Variants in ZMIZ1 observed in about 807,000 individuals in gnomAD.
ZMIZ1 encodes zinc finger MIZ domain-containing protein 1.
A neutral mutation model predicts 113.9 loss-of-function variants in ZMIZ1; 17 were observed. That is an observed-to-expected ratio of 0.15 (90% CI 0.10 to 0.22). The LOEUF (loss-of-function observed/expected upper bound fraction) is 0.22. Among genes scored for constraint, ZMIZ1 ranks in the 10% least tolerant of loss-of-function variants. The pLI is 1.00. For synonymous variants in ZMIZ1, 607 were observed against 603.1 expected, an observed-to-expected ratio of 1.01 and a Z score of -0.09; for missense variants, 1,059 against 1,477.8, an observed-to-expected ratio of 0.72 and a Z score of 4.65.
In ZMIZ1 at chr10:79,300,950, T is replaced by C. The variant is rs1220056334; in HGVS notation, c.2019+8T>C. 6.2e-7 allele frequency: 1 copy of C among 1,607,458 alleles called. No homozygotes were observed. Among genetic ancestry groups the C allele is most frequent in the Non-Finnish European group, 8.5e-7 (1 of 1,179,790 alleles). ...GTCACGGCCTGCTGCTGCGTGAGTG[T>C]GGTGGGCCAGGGGCAGCGTTGGCAC... On this transcript the variant is annotated splice_region_variant and intron_variant, in intron 17 of 24. Transcript: ENST00000334512.
intron 3 of ZMIZ1, among the ~76,000 whole-genome samples, chr10:79,146,577 A>T (rs1343252748): frequency 6.6e-6 from 1 of 152,160 alleles, no homozygotes; most frequent in African/African-American, 2.4e-5. Flanking sequence ...TGTGGCCCCA[A>T]CGTTGGGCTT....
At position 79,179,246 on chromosome 10, in the gene ZMIZ1, T is replaced by C. The variant is rs554503300; in HGVS notation, c.-50+17113T>C. Among the ~76,000 whole-genome samples the C allele has an allele frequency of 2.0e-5, 3 of 152,312 alleles. No homozygotes were observed. The South Asian group carries it at 6.2e-4, about 32-fold the overall frequency. ...TTTTATAGCTGAGAAGGGTGCCTGA[T>C]ATGAATTCCTTCTCCCACTCACCTG... On this transcript the variant is annotated intron_variant, in intron 4 of 24. Coordinates refer to ENST00000334512, the MANE Select transcript of ZMIZ1 (RefSeq NM_020338.4).
intron 4 of ZMIZ1, among the ~76,000 whole-genome samples, chr10:79,166,189 C>T (rs1018224933): frequency 1.3e-5 from 2 of 152,174 alleles, no homozygotes; most frequent in Admixed American, 6.5e-5. Context: ...AGGGTCCCTG[C>T]ACCTCCTCAC....
intron 8 of ZMIZ1, 51 bp from the exon 9 acceptor site, chr10:79,289,724 T>G (rs780710579): frequency 1.3e-6 from 2 of 1,546,342 alleles, no homozygotes; most frequent in Non-Finnish European, 8.9e-7. Flanking sequence ...TGGCCTGTCT[T>G]GAGTCTGTGC....
At chr10:79,288,161 C>T (rs574482146) in intron 8 of ZMIZ1, among the ~76,000 whole-genome samples, 6 of 152,338 alleles carry the variant, frequency 3.9e-5, no homozygotes, top group African/African-American at 7.2e-5. Flanking sequence ...TGCAGGAGCC[C>T]GTCAGACTTG....
intron 1 of ZMIZ1, among the ~76,000 whole-genome samples, chr10:79,111,629 C>G (rs1482482162): frequency 6.6e-6 from 1 of 152,212 alleles, no homozygotes; most frequent in South Asian, 2.1e-4. Flanking sequence ...ACCAGCTACT[C>G]GGAGATCTTG....
chr10:79,089,291 A>T (rs1302038210), intron 1 of ZMIZ1, among the ~76,000 whole-genome samples: 1 of 152,236 alleles, frequency 6.6e-6, no homozygotes, highest in Non-Finnish European at 1.5e-5. Context: ...TGGGCCCCAC[A>T]TCAGTGAAGG....
intron 3 of ZMIZ1, 73 bp from the exon 4 acceptor site, chr10:79,161,980 T>G: frequency 2.5e-6 from 1 of 398,954 alleles, no homozygotes; most frequent in Non-Finnish European, 4.4e-6. Context: ...ATGGTGGCAG[T>G]GGGCAGTGGC....
intron 3 of ZMIZ1, among the ~76,000 whole-genome samples, chr10:79,144,218 A>T (rs1426104658): frequency 1.3e-5 from 2 of 152,196 alleles, no homozygotes; most frequent in African/African-American, 4.8e-5. Context: ...ACTGGACTGG[A>T]CTTACCTCCA....
At chr10:79,142,880 C>T (rs1327851545) in intron 3 of ZMIZ1, among the ~76,000 whole-genome samples, 1 of 152,222 alleles carries the variant, frequency 6.6e-6, no homozygotes, top group Non-Finnish European at 1.5e-5. Context: ...GGAAGAGGCA[C>T]CGAGCAGCTC....
chr10:79,219,997 A>G (rs1469560905), intron 7 of ZMIZ1, among the ~76,000 whole-genome samples: 1 of 152,020 alleles, frequency 6.6e-6, no homozygotes, highest in Admixed American at 6.5e-5. Flanking sequence ...TGGCGGTTTT[A>G]TTTGAGGGGT....
intron 3 of ZMIZ1, among the ~76,000 whole-genome samples, chr10:79,142,100 G>A (rs893572867): frequency 6.6e-6 from 1 of 152,238 alleles, no homozygotes. Context: ...ACAGGAGCCA[G>A]TGGTAGAAGG....
intron 7 of ZMIZ1, among the ~76,000 whole-genome samples, chr10:79,245,742 A>C (rs996791674): frequency 2.0e-5 from 3 of 152,212 alleles, no homozygotes; most frequent in Non-Finnish European, 4.4e-5. Context: ...GCTGGGTCTA[A>C]GATGACGCCA....
At chr10:79,093,084 A>AG (rs1197935115) in intron 1 of ZMIZ1, among the ~76,000 whole-genome samples, 2 of 150,786 alleles carry the variant, frequency 1.3e-5, no homozygotes, top group Non-Finnish European at 3.0e-5. Flanking sequence ...AATGAGTGGC[A>AG]GGTCCAAGCT....
At chr10:79,272,514 C>T (rs1359177160) in intron 7 of ZMIZ1, among the ~76,000 whole-genome samples, 2 of 152,202 alleles carry the variant, frequency 1.3e-5, no homozygotes, top group African/African-American at 2.4e-5. Flanking sequence ...TCCCAGCCTG[C>T]GGAGCTTTGC....
chr10:79,214,974 A>G (rs1391418800), intron 6 of ZMIZ1, among the ~76,000 whole-genome samples: 2 of 152,128 alleles, frequency 1.3e-5, no homozygotes, highest in East Asian at 3.9e-4. Context: ...CCCGTCCCAC[A>G]CTGCCCCCCA....
At chr10:79,144,267 C>A (rs1057168966) in intron 3 of ZMIZ1, among the ~76,000 whole-genome samples, 1 of 152,194 alleles carries the variant, frequency 6.6e-6, no homozygotes, top group South Asian at 2.1e-4. Flanking sequence ...GAGGAAAATT[C>A]TTGCATGATG....
At chr10:79,264,518 C>G (rs1851470923) in intron 7 of ZMIZ1, among the ~76,000 whole-genome samples, 2 of 152,326 alleles carry the variant, frequency 1.3e-5, no homozygotes, top group South Asian at 4.1e-4. Context: ...CTGAGGTGGT[C>G]TAGAGCTCCT....
chr10:79,150,719 T>TG (rs1195270614), intron 3 of ZMIZ1, among the ~76,000 whole-genome samples: 1 of 152,080 alleles, frequency 6.6e-6, no homozygotes, highest in African/African-American at 2.4e-5. Flanking sequence ...CAGCCAGGCT[T>TG]GGGGGGTGAT....
Sources: gnomAD v4.1 joint callset for allele counts (sites outside exome capture counted in the v4.1 genomes callset) on GRCh38, gnomAD v4.1.1 for gene constraint, MANE v1.5 for transcripts, NCBI Gene and HGNC (gene_info 2026-07-23, HGNC 2026-07-21) for gene names.